Variants in SGCD observed in about 807,000 individuals in gnomAD.
SGCD encodes the protein sarcoglycan delta, also known as delta-sarcoglycan.
In SGCD, 18 loss-of-function variants were observed where a neutral mutation model predicts 36.6. That is an observed-to-expected ratio of 0.49 (90% CI 0.34 to 0.73). The LOEUF (loss-of-function observed/expected upper bound fraction) is 0.73. Among genes scored for constraint, SGCD ranks in the 30% least tolerant of loss-of-function variants. The pLI is 0.01. For missense variants in SGCD, 387 were observed against 346.7 expected, an observed-to-expected ratio of 1.12 and a Z score of -0.92; for synonymous variants, 133 against 130.6, an observed-to-expected ratio of 1.02 and a Z score of -0.12.
chr5:155,812,671 C>T, the SGCD span, among the ~76,000 whole-genome samples: 1 of 152,176 alleles, frequency 6.6e-6, no homozygotes, highest in Non-Finnish European at 1.5e-5. Flanking sequence ...CTCAAAGTAT[C>T]TTCGATGGGA....
At chr5:156,146,389 C>T (rs528449802) in intron 3 of SGCD, among the ~76,000 whole-genome samples, 6 of 152,072 alleles carry the variant, frequency 3.9e-5, no homozygotes, top group Non-Finnish European at 5.9e-5. Flanking sequence ...CTCACAGTCA[C>T]GTTAACCGAA....
intron 8 of SGCD, among the ~76,000 whole-genome samples, chr5:156,758,396 T>G (rs1757417345): frequency 6.6e-6 from 1 of 152,120 alleles, no homozygotes; most frequent in African/African-American, 2.4e-5. Context: ...TGTGTTTTTT[T>G]TTTTTTAAGA....
chr5:155,928,168 A>C (rs1411203227), intron 1 of SGCD, among the ~76,000 whole-genome samples: 1 of 152,264 alleles, frequency 6.6e-6, no homozygotes, highest in East Asian at 1.9e-4. Flanking sequence ...CTATTTTTTG[A>C]TGCCCCACTT....
intron 1 of SGCD, among the ~76,000 whole-genome samples, chr5:155,982,138 G>T (rs979873484): frequency 1.3e-5 from 2 of 152,126 alleles, no homozygotes; most frequent in Non-Finnish European, 2.9e-5. Context: ...TGTCTCCATT[G>T]TGATAGGTGC....
At chr5:155,867,910 T>G (rs1755552951), upstream of SGCD, among the ~76,000 whole-genome samples, 1 of 152,164 alleles carries the variant, frequency 6.6e-6, no homozygotes, top group South Asian at 2.1e-4. Flanking sequence ...AGTGGCTGAG[T>G]CAGTCCTGGA....
chr5:155,873,676 A>G (rs1755705761), intron 1 of SGCD, among the ~76,000 whole-genome samples: 1 of 152,124 alleles, frequency 6.6e-6, no homozygotes. Context: ...TAAATCTATT[A>G]CTTTTTAAAA....
chr5:155,948,271 T>C (rs11950822), intron 1 of SGCD, among the ~76,000 whole-genome samples: 29,247 of 151,988 alleles, frequency 0.19, 3,385 homozygotes, highest in Admixed American at 0.38. Flanking sequence ...GGTGACATTC[T>C]GTCTCAATAC....
chr5:155,813,145 G>C, the SGCD span, among the ~76,000 whole-genome samples: 1 of 151,958 alleles, frequency 6.6e-6, no homozygotes, highest in Admixed American at 6.6e-5. Flanking sequence ...ATGACTATGT[G>C]GAGGGGATGC....
At chr5:156,696,513 A>ATTTT (rs1305112433) in intron 7 of SGCD, among the ~76,000 whole-genome samples, 1 of 151,886 alleles carries the variant, frequency 6.6e-6, no homozygotes, top group African/African-American at 2.4e-5. Context: ...CAATTTAAAT[A>ATTTT]TTTTTGCTTT....
upstream of SGCD, among the ~76,000 whole-genome samples, chr5:155,869,788 C>G (rs367728016): frequency 8.3e-4 from 126 of 152,216 alleles, 3 homozygotes; most frequent in South Asian, 0.026. Context: ...ATCACGAGGT[C>G]AAGAGATCGA....
chr5:156,380,150 C>G (rs1770899833), intron 3 of SGCD, among the ~76,000 whole-genome samples: 1 of 152,078 alleles, frequency 6.6e-6, no homozygotes, highest in South Asian at 2.1e-4. Context: ...TTGAAATGAT[C>G]ATTGCAAACA....
intron 3 of SGCD, among the ~76,000 whole-genome samples, chr5:156,376,512 AT>A (rs1770678598): frequency 6.6e-6 from 1 of 152,220 alleles, no homozygotes; most frequent in Non-Finnish European, 1.5e-5. Context: ...TTTAACTTTG[AT>A]ATTTTGTTAA....
chr5:156,076,425 C>A (rs1561709164), intron 1 of SGCD, among the ~76,000 whole-genome samples: 2 of 152,000 alleles, frequency 1.3e-5, no homozygotes, highest in African/African-American at 2.4e-5. Context: ...AACCTTACCA[C>A]CTTGTTCAGT....
intron 3 of SGCD, among the ~76,000 whole-genome samples, chr5:156,223,264 G>A (rs1764764132): frequency 6.6e-6 from 1 of 152,072 alleles, no homozygotes; most frequent in Non-Finnish European, 1.5e-5. Flanking sequence ...AGGGCCTGTT[G>A]GATAGACTGA....
intron 3 of SGCD, among the ~76,000 whole-genome samples, chr5:156,387,182 C>T (rs1406955342): frequency 2.6e-5 from 4 of 152,148 alleles, no homozygotes; most frequent in Non-Finnish European, 4.4e-5. Flanking sequence ...ACATGAGCCT[C>T]ATGCATTTGA....
chr5:156,396,488 C>T (rs118157320), intron 3 of SGCD, among the ~76,000 whole-genome samples: 25 of 152,096 alleles, frequency 1.6e-4, no homozygotes, highest in East Asian at 1.4e-3. Flanking sequence ...CTTAGGTAAG[C>T]GGGGTTTTGG....
chr5:156,531,814 A>G (rs780413344), intron 4 of SGCD, among the ~76,000 whole-genome samples: 7 of 152,122 alleles, frequency 4.6e-5, no homozygotes, highest in African/African-American at 1.7e-4. Flanking sequence ...CTCTACGTAA[A>G]TGTATGGACA....
intron 3 of SGCD, among the ~76,000 whole-genome samples, chr5:156,209,210 T>C (rs531376087): frequency 6.6e-6 from 1 of 152,298 alleles, no homozygotes; most frequent in South Asian, 2.1e-4. Context: ...CACAGAGGAC[T>C]TGGTCTCTGT....
At chr5:156,029,119 G>A (rs911222119) in intron 1 of SGCD, among the ~76,000 whole-genome samples, 3 of 151,912 alleles carry the variant, frequency 2.0e-5, no homozygotes, top group Non-Finnish European at 4.4e-5. Context: ...AATACAAACC[G>A]GTTCTGCATG....
Sources: gnomAD v4.1 joint callset for allele counts (sites outside exome capture counted in the v4.1 genomes callset) on GRCh38, gnomAD v4.1.1 for gene constraint, MANE v1.5 for transcripts, NCBI Gene and HGNC (gene_info 2026-07-23, HGNC 2026-07-21) for gene names.